BCAS3: variants seen among roughly 807,000 people sequenced by gnomAD.
BCAS3 encodes the protein BCAS3 microtubule associated cell migration factor, also known as BCAS4/BCAS3 fusion.
A neutral mutation model predicts 116.1 loss-of-function variants in BCAS3; 53 were observed. The ratio of observed to expected loss-of-function variants is 0.46; its 90% CI spans 0.37 to 0.57. BCAS3 has a LOEUF of 0.57. Ranked by LOEUF, BCAS3 falls within the 20% of genes least tolerant of loss-of-function variation. BCAS3 has a pLI of 0.00. For synonymous variants in BCAS3, 391 were observed against 408.2 expected (o/e 0.96, Z 0.51); for missense variants, 917 against 1,165.4 (o/e 0.79, Z 3.10).
At chr17:60,741,183 C>T (rs2041512238) in intron 5 of BCAS3, among the ~76,000 whole-genome samples, 1 of 152,088 alleles carries the variant, frequency 6.6e-6, no homozygotes, top group South Asian at 2.1e-4. Context: ...ATTTTTGGGG[C>T]AGCAGTTTGC....
chr17:61,006,067 G>C (rs553049862), intron 15 of BCAS3, among the ~76,000 whole-genome samples: 1 of 151,760 alleles, frequency 6.6e-6, no homozygotes, highest in African/African-American at 2.4e-5. Flanking sequence ...TTGTTCTTGC[G>C]ATAGTTTACT....
At chr17:61,299,693 A>G (rs948019665) in intron 22 of BCAS3, among the ~76,000 whole-genome samples, 1 of 152,192 alleles carries the variant, frequency 6.6e-6, no homozygotes, top group Non-Finnish European at 1.5e-5. Context: ...CTGTGGTCAC[A>G]CAGCAAGTGA....
intron 22 of BCAS3, among the ~76,000 whole-genome samples, chr17:61,225,890 G>C (rs1292360713): frequency 6.6e-6 from 1 of 152,158 alleles, no homozygotes; most frequent in Non-Finnish European, 1.5e-5. Context: ...GGTAGGGAAG[G>C]CTTCGTTATT....
At chr17:61,272,591 A>G (rs2050378054) in intron 22 of BCAS3, among the ~76,000 whole-genome samples, 1 of 124,566 alleles carries the variant, frequency 8.0e-6, no homozygotes, top group Admixed American at 1.1e-4. Flanking sequence ...GTGAGCCGGG[A>G]GTGCACCACT....
intron 23 of BCAS3, among the ~76,000 whole-genome samples, chr17:61,375,246 G>GCGCGCGCGCGCACACA (rs1555861731): frequency 1.3e-5 from 2 of 150,666 alleles, no homozygotes; most frequent in African/African-American, 5.0e-5. Flanking sequence ...GTGTGTGTGT[G>GCGCGCGCGCGCACACA]TGTGTGTGTA....
chr17:61,357,516 C>G (rs1009578857), intron 22 of BCAS3, among the ~76,000 whole-genome samples: 1 of 149,114 alleles, frequency 6.7e-6, no homozygotes, highest in Non-Finnish European at 1.5e-5. Flanking sequence ...GCGATCTCGG[C>G]TCACTGCAGC....
In BCAS3 at chr17:60,868,725, A is replaced by G. The variant is rs751781813; in HGVS notation, c.584+42A>G. ...GGGTTTCTTGTGTAAAATAAGAAAC[A>G]TGCTCTCCTGGGCATGGAGAACTCT... is the stretch of plus-strand genomic sequence containing the variant. On this transcript the variant is annotated intron_variant, in intron 8 of 23. Coordinates refer to ENST00000407086, the MANE Select transcript of BCAS3 (RefSeq NM_017679.5). The G allele has an allele frequency of 3.9e-6, 5 of 1,269,050 alleles. No homozygotes were observed. In the Admixed American group the frequency reaches 8.9e-5, roughly 22 times the overall value. The allele number at this position is 1,269,050 out of a possible 1,614,324, so 78.6% of individuals were successfully genotyped here. A position where few individuals can be genotyped will look rare whatever the true frequency, so the allele number is the denominator to read the frequency against.
At chr17:60,777,317 C>T (rs2045396550) in intron 6 of BCAS3, among the ~76,000 whole-genome samples, 1 of 152,076 alleles carries the variant, frequency 6.6e-6, no homozygotes, top group Non-Finnish European at 1.5e-5. Flanking sequence ...TTGTTTACCT[C>T]AATCACCACA....
chr17:60,812,024 G>A (rs1453857287), intron 7 of BCAS3, among the ~76,000 whole-genome samples: 1 of 151,634 alleles, frequency 6.6e-6, no homozygotes, highest in Non-Finnish European at 1.5e-5. Context: ...CTGCACTCCA[G>A]CCTGGGTGAC....
chr17:61,200,515 A>G lies in BCAS3; in HGVS notation c.2425+115951A>G, dbSNP rs1004078433. Among the ~76,000 whole-genome samples the G allele has an allele frequency of 2.6e-5, 4 of 152,332 alleles. 1 individual carries two copies. The highest frequency in any genetic ancestry group is 3.4e-3 in the Middle Eastern group (1 of 294). On this transcript the variant is annotated intron_variant, in intron 22 of 23. Transcript: ENST00000407086. This position sits in a 1 kb window ranked among gnomAD's most constrained non-coding sequence, Gnocchi z 5.1. ...TTGCCGAAGGCCGTATGGTAAATCAATGACCGAGCTGGTGTGGAATGTTAG... is the reference window on the plus strand; with the variant it reads ...TTGCCGAAGGCCGTATGGTAAATCAGTGACCGAGCTGGTGTGGAATGTTAG...
intron 22 of BCAS3, among the ~76,000 whole-genome samples, chr17:61,301,226 A>G (rs1309989852): frequency 2.0e-5 from 3 of 152,242 alleles, no homozygotes; most frequent in African/African-American, 7.2e-5. Flanking sequence ...AGAATTGAAT[A>G]GCTGGCCTCA....
chr17:61,214,216 AT>A lies in BCAS3; in HGVS notation c.2425+129654del, dbSNP rs1248128277. Among the ~76,000 whole-genome samples, 1 of 151,992 alleles carries A rather than the reference AT, an allele frequency of 6.6e-6. No individual in the cohort carries two copies. The highest frequency in any genetic ancestry group is 1.9e-4 in the East Asian group (1 of 5,184). On this transcript the variant is annotated intron_variant, in intron 22 of 23. Transcript: ENST00000407086. The surrounding 1 kb of genome is among the most constrained non-coding windows in gnomAD (Gnocchi z 4.4). ...CCCATCTCTATTAAAAAATACAAAA[AT>A]TAGCCAGGTGTGGTGGCAGGCACCT...
At chr17:60,888,934 T>C (rs1392896038) in intron 9 of BCAS3, among the ~76,000 whole-genome samples, 1 of 152,214 alleles carries the variant, frequency 6.6e-6, no homozygotes, top group Non-Finnish European at 1.5e-5. Flanking sequence ...TGTGCTTCTT[T>C]AGTGCTTTTG....
intron 22 of BCAS3, among the ~76,000 whole-genome samples, chr17:61,292,645 C>T (rs2052540239): frequency 6.6e-6 from 1 of 151,864 alleles, no homozygotes. Context: ...AGCGAGGCTC[C>T]GTCTCAAAAA....
Position 61,124,405 on chromosome 17 carries a change from A to G in BCAS3, c.2425+39841A>G, listed in dbSNP as rs1601428706. The stretch of plus-strand genomic sequence containing the variant: ...AGTAGGGATTATAATATAACAATGC[A>G]TCTTTTTATTTAGTTTGTTAACTAC... On this transcript the variant is annotated intron_variant, in intron 22 of 23. Coordinates refer to ENST00000407086, the MANE Select transcript of BCAS3 (RefSeq NM_017679.5). This position sits in a 1 kb window ranked among gnomAD's most constrained non-coding sequence, Gnocchi z 4.6. Among the ~76,000 whole-genome samples the G allele has an allele frequency of 6.6e-6, 1 of 152,048 alleles. No individual in the cohort carries two copies. Among genetic ancestry groups the G allele is most frequent in the Non-Finnish European group, 1.5e-5 (1 of 67,992 alleles).
At chr17:61,245,236 A>G (rs1380198455) in intron 22 of BCAS3, 1 of 152,188 alleles carries the variant, frequency 6.6e-6, no homozygotes, top group African/African-American at 2.4e-5. Context: ...GAACCAACTC[A>G]CTAAAACAAG....
At chr17:60,743,190 A>G (rs1277876024) in intron 5 of BCAS3, among the ~76,000 whole-genome samples, 1 of 152,146 alleles carries the variant, frequency 6.6e-6, no homozygotes, top group Non-Finnish European at 1.5e-5. Context: ...CTACAATTCC[A>G]TGCAACAACA....
At chr17:60,796,843 A>C (rs534216806) in intron 6 of BCAS3, among the ~76,000 whole-genome samples, 8 of 152,206 alleles carry the variant, frequency 5.3e-5, no homozygotes, top group African/African-American at 1.9e-4. Context: ...TGATGTAGGC[A>C]TTTAGGGCTG....
At chr17:60,866,494 A>G (rs1397635174) in intron 7 of BCAS3, among the ~76,000 whole-genome samples, 1 of 152,184 alleles carries the variant, frequency 6.6e-6, no homozygotes, top group Non-Finnish European at 1.5e-5. Flanking sequence ...ATACAAGCAT[A>G]TATTTTATTT....
Sources: allele counts gnomAD v4.1 joint callset (sites outside exome capture counted in the v4.1 genomes callset), GRCh38; gene constraint gnomAD v4.1.1; non-coding constraint Gnocchi (gnomAD v3.1); transcripts MANE v1.5; gene names NCBI Gene and HGNC (gene_info 2026-07-23, HGNC 2026-07-21).